The following SNRPN variants were observed in gnomAD, a reference collection of about 807,000 sequenced individuals.
SNRPN encodes small nuclear ribonucleoprotein-associated protein N.
SNRPN carries 7 observed loss-of-function variants against 25.2 expected under a neutral mutation model. That is an observed-to-expected ratio of 0.28 (90% confidence interval 0.16 to 0.52). The LOEUF (loss-of-function observed/expected upper bound fraction) is 0.52. Ranked by LOEUF, SNRPN falls within the 20% of genes least tolerant of loss-of-function variation. The pLI, the probability that SNRPN is intolerant of heterozygous loss-of-function variation, is 0.96. For synonymous variants in SNRPN, 124 were observed against 110.6 expected, an observed-to-expected ratio of 1.12 and a Z score of -0.76; for missense variants, 196 against 322.5, an observed-to-expected ratio of 0.61 and a Z score of 3.00.
intron 2 of SNRPN, among the ~76,000 whole-genome samples, chr15:24,832,902 C>T (rs1396207622): frequency 6.6e-6 from 1 of 151,694 alleles, no homozygotes; most frequent in Non-Finnish European, 1.5e-5. Context: ...GTCAGGAGAT[C>T]GAGGCCATCC....
At chr15:24,881,930 G>A (rs1251864836) in intron 1 of SNRPN, among the ~76,000 whole-genome samples, 4 of 152,054 alleles carry the variant, frequency 2.6e-5, no homozygotes, top group African/African-American at 7.2e-5. Flanking sequence ...CGCTAGAGGC[G>A]GAACAAGATA....
At chr15:24,887,485 G>A (rs186612719) in intron 2 of SNRPN, among the ~76,000 whole-genome samples, 1 of 151,116 alleles carries the variant, frequency 6.6e-6, no homozygotes, top group Non-Finnish European at 1.5e-5. Context: ...CTTTGTCTCT[G>A]GCCATGAGCA....
chr15:24,934,849 G>A (rs1156525774), intron 3 of SNRPN, among the ~76,000 whole-genome samples: 2 of 152,188 alleles, frequency 1.3e-5, no homozygotes, highest in African/African-American at 4.8e-5. Context: ...GAGCCACCGT[G>A]CTTGGCTGAC....
At chr15:24,882,195 C>T (rs1272444002) in intron 1 of SNRPN, among the ~76,000 whole-genome samples, 1 of 151,638 alleles carries the variant, frequency 6.6e-6, no homozygotes, top group African/African-American at 2.4e-5. Flanking sequence ...TTGTTTTTTC[C>T]AGGCTTGTAA....
intron 2 of SNRPN, chr15:24,909,229 G>C: frequency 6.4e-7 from 1 of 1,563,072 alleles, no homozygotes; most frequent in African/African-American, 1.3e-5. Flanking sequence ...GGCCCATGAT[G>C]TGCTTCCGGT....
chr15:24,840,107 C>G (rs2051563986), intron 2 of SNRPN, among the ~76,000 whole-genome samples: 2 of 152,162 alleles, frequency 1.3e-5, no homozygotes, highest in Non-Finnish European at 2.9e-5. Flanking sequence ...CCTGTAATCC[C>G]AGCAGTTTGG....
intron 3 of SNRPN, among the ~76,000 whole-genome samples, chr15:24,926,514 CA>C (rs1778190592): frequency 6.6e-6 from 1 of 152,070 alleles, no homozygotes; most frequent in Non-Finnish European, 1.5e-5. Flanking sequence ...GCTTCTTCAC[CA>C]TGCTGTTATA....
chr15:24,933,218 C>T (rs1299561656), intron 3 of SNRPN, among the ~76,000 whole-genome samples: 1 of 152,002 alleles, frequency 6.6e-6, no homozygotes. Context: ...AAGATCCATG[C>T]CACTGTGCTC....
At chr15:24,951,113 G>C (rs1226078135), upstream of SNRPN, among the ~76,000 whole-genome samples, 1 of 151,962 alleles carries the variant, frequency 6.6e-6, no homozygotes, top group South Asian at 2.1e-4. Context: ...CACCTGTCTC[G>C]GCCTCCCAAA....
At chr15:24,909,315 C>A in intron 2 of SNRPN, 1 of 1,603,856 alleles carries the variant, frequency 6.2e-7, no homozygotes, top group Non-Finnish European at 8.5e-7. Flanking sequence ...ATAGACAAGC[C>A]TCCATCCACA....
At chr15:24,959,255 G>A (rs1297816022) in intron 1 of SNRPN, among the ~76,000 whole-genome samples, 1 of 152,128 alleles carries the variant, frequency 6.6e-6, no homozygotes, top group Non-Finnish European at 1.5e-5. Flanking sequence ...ATAAATGCAT[G>A]TGTGTGTGTA....
intron 2 of SNRPN, among the ~76,000 whole-genome samples, chr15:24,842,865 G>A (rs963920980): frequency 2.0e-5 from 3 of 152,178 alleles, no homozygotes; most frequent in Admixed American, 6.5e-5. Context: ...GTTCCTTGTA[G>A]TAGTCTTCCC....
chr15:24,861,363 A>C (rs990553096), intron 1 of SNRPN, among the ~76,000 whole-genome samples: 3 of 152,234 alleles, frequency 2.0e-5, no homozygotes, highest in Admixed American at 2.0e-4. Flanking sequence ...CACAATGATA[A>C]GTATTTAAAC....
chr15:24,846,950 C>A (rs757297067), intron 2 of SNRPN, among the ~76,000 whole-genome samples: 1 of 151,888 alleles, frequency 6.6e-6, no homozygotes, highest in Non-Finnish European at 1.5e-5. Context: ...CCTGTACAGG[C>A]AAAGAAAAAG....
At chr15:24,863,598 A>G (rs989987449) in intron 1 of SNRPN, among the ~76,000 whole-genome samples, 5 of 150,854 alleles carry the variant, frequency 3.3e-5, no homozygotes, top group African/African-American at 1.2e-4. Context: ...ACCTAGCAAA[A>G]TTGACCAAAA....
chr15:24,841,754 C>G (rs1322717945), intron 2 of SNRPN, among the ~76,000 whole-genome samples: 1 of 152,192 alleles, frequency 6.6e-6, no homozygotes. Context: ...TCGAGCCTGA[C>G]TCTTCCCATC....
chr15:24,830,846 G>A (rs1006921587), intron 2 of SNRPN, among the ~76,000 whole-genome samples: 2 of 152,074 alleles, frequency 1.3e-5, no homozygotes, highest in Non-Finnish European at 2.9e-5. Flanking sequence ...GGAGGAGAAT[G>A]TGGTGCATCT....
At chr15:24,915,934 T>C (rs1192269606) in intron 2 of SNRPN, among the ~76,000 whole-genome samples, 1 of 151,300 alleles carries the variant, frequency 6.6e-6, no homozygotes, top group African/African-American at 2.4e-5. Context: ...TCTGATTATA[T>C]ACACACATTG....
intron 1 of SNRPN, among the ~76,000 whole-genome samples, chr15:24,828,365 TATTACA>T (rs2050248337): frequency 6.6e-6 from 1 of 152,094 alleles, no homozygotes; most frequent in Non-Finnish European, 1.5e-5. Context: ...CAGAAGATTT[TATTACA>T]AGATCACGCA....
Sources: allele counts gnomAD v4.1 joint callset (sites outside exome capture counted in the v4.1 genomes callset), GRCh38; gene constraint gnomAD v4.1.1; transcripts MANE v1.5; gene names NCBI Gene and HGNC (gene_info 2026-07-23, HGNC 2026-07-21).